The following LRP2 variants were observed in gnomAD, a reference collection of about 807,000 sequenced individuals.
LRP2 encodes low-density lipoprotein receptor-related protein 2.
In LRP2, 172 loss-of-function variants were observed where a neutral mutation model predicts 531.0. The observed-to-expected ratio is 0.32, with a 90% CI of 0.29 to 0.37. The LOEUF is 0.37. Among genes scored for constraint, LRP2 ranks in the 10% least tolerant of loss-of-function variants. The probability of loss-of-function intolerance (pLI) is 1.00; values close to 1 mark genes in which losing one functional copy is unlikely to be tolerated. For synonymous variants in LRP2, 1,992 were observed against 2,027.6 expected (o/e 0.98, Z 0.47); for missense variants, 5,167 against 5,868.3 (o/e 0.88, Z 3.90).
chr2:169,297,589 A>G (rs1049819894), intron 4 of LRP2, among the ~76,000 whole-genome samples: 5 of 152,146 alleles, frequency 3.3e-5, no homozygotes, highest in African/African-American at 1.2e-4. Context: ...CTTTCTCCCA[A>G]TCCCAAATGA....
intron 9 of LRP2, among the ~76,000 whole-genome samples, chr2:169,283,300 A>T (rs1024838131): frequency 6.6e-6 from 1 of 152,256 alleles, no homozygotes. Flanking sequence ...GTCTACAAAT[A>T]TATAAATTTT....
At chr2:169,151,150 G>T in intron 67 of LRP2, 124 bp from the exon 68 acceptor site, 1 of 974,692 alleles carries the variant, frequency 1.0e-6, no homozygotes, top group Non-Finnish European at 1.6e-6. Flanking sequence ...CCTATCATCA[G>T]ACCATAGTCC....
intron 37 of LRP2, among the ~76,000 whole-genome samples, chr2:169,211,668 C>T (rs1358585486): frequency 6.6e-6 from 1 of 152,080 alleles, no homozygotes; most frequent in African/African-American, 2.4e-5. Context: ...ATCCATGGGC[C>T]AGCACCGTCA....
At chr2:169,327,953 C>T (rs1477003352) in intron 1 of LRP2, among the ~76,000 whole-genome samples, 65 of 100,046 alleles carry the variant, frequency 6.5e-4, no homozygotes, top group African/African-American at 2.0e-3. Context: ...GCCCCCCGCC[C>T]GGCCAGCCGC....
At chr2:169,185,316 ATAAT>A (rs1687596042) in intron 50 of LRP2, among the ~76,000 whole-genome samples, 183 bp downstream of exon 50, 1 of 152,366 alleles carries the variant, frequency 6.6e-6, no homozygotes, top group Non-Finnish European at 1.5e-5. Flanking sequence ...AATTTTTAAA[ATAAT>A]TAGATATTCT....
intron 9 of LRP2, among the ~76,000 whole-genome samples, chr2:169,286,948 G>T (rs1683875056): frequency 6.6e-6 from 1 of 152,200 alleles, no homozygotes; most frequent in South Asian, 2.1e-4. Context: ...TAAAAGGCTG[G>T]GAATGGGATT....
intron 28 of LRP2, 78 bp from the exon 29 acceptor site, chr2:169,236,146 C>T: frequency 9.7e-7 from 1 of 1,029,218 alleles, no homozygotes; most frequent in Non-Finnish European, 1.5e-6. Context: ...AATAATACAA[C>T]ATCCTGTTTA....
intron 26 of LRP2, 117 bp from the exon 27 acceptor site, chr2:169,238,419 T>G: frequency 1.3e-6 from 1 of 749,802 alleles, no homozygotes; most frequent in Non-Finnish European, 2.3e-6. Flanking sequence ...TTCCAAACTA[T>G]AGTAAGTTGG....
intron 76 of LRP2, among the ~76,000 whole-genome samples, chr2:169,134,297 C>A (rs936890372): frequency 5.9e-5 from 9 of 152,236 alleles, no homozygotes; most frequent in South Asian, 2.1e-4. Flanking sequence ...TTTCTTTCTC[C>A]CACCTGACGC....
chr2:169,304,464 A>G (rs892592356), intron 4 of LRP2, among the ~76,000 whole-genome samples: 1 of 152,228 alleles, frequency 6.6e-6, no homozygotes, highest in African/African-American at 2.4e-5. Context: ...TAACAACTAG[A>G]ATTTATATAA....
At chr2:169,174,210 T>A (rs1687104947) in intron 55 of LRP2, 46 bp from the exon 56 acceptor site, 2 of 1,613,172 alleles carry the variant, frequency 1.2e-6, no homozygotes, top group East Asian at 4.5e-5. Flanking sequence ...GCATCAAGAA[T>A]GAAAGCTCCT....
intron 74 of LRP2, among the ~76,000 whole-genome samples, chr2:169,138,943 A>C (rs1685619612): frequency 6.6e-6 from 1 of 152,198 alleles, no homozygotes; most frequent in African/African-American, 2.4e-5. Context: ...AGAGTCCAGC[A>C]CATAGAAGGA....
intron 3 of LRP2, among the ~76,000 whole-genome samples, chr2:169,316,041 G>T (rs552454764): frequency 2.6e-5 from 4 of 151,274 alleles, no homozygotes; most frequent in Non-Finnish European, 5.9e-5. Flanking sequence ...TCTGGAGGCT[G>T]AGAAGTGGGA....
At chr2:169,198,729 T>C in intron 45 of LRP2, 57 bp downstream of exon 45, 1 of 1,599,206 alleles carries the variant, frequency 6.3e-7, no homozygotes, top group Non-Finnish European at 8.5e-7. Flanking sequence ...ATCTTTGTAT[T>C]AGCTCACAAC....
At chr2:169,256,016 G>T in intron 19 of LRP2, 90 bp downstream of exon 19, 1 of 1,396,712 alleles carries the variant, frequency 7.2e-7, no homozygotes, top group Non-Finnish European at 1.0e-6. Flanking sequence ...AGCTTTTCTG[G>T]GATTGTGAAA....
intron 17 of LRP2, among the ~76,000 whole-genome samples, chr2:169,258,635 A>G (rs56132748): frequency 0.039 from 5,890 of 152,226 alleles, 120 homozygotes; most frequent in Non-Finnish European, 0.053. Flanking sequence ...CTACTGAATG[A>G]TTAAGCAAGT....
At chr2:169,319,481 T>C (rs1684855093) in intron 2 of LRP2, among the ~76,000 whole-genome samples, 1 of 152,224 alleles carries the variant, frequency 6.6e-6, no homozygotes, top group African/African-American at 2.4e-5. Context: ...TCATTGATAT[T>C]GTTGTTATTG....
chr2:169,182,266 TTGAGGTCAGA>T lies in LRP2; in HGVS notation c.9889_9898del (p.Ser3297MetfsTer50). Reference sequence around the variant, plus strand: ...GGCCAGCATGCGGCGGTGTCCACCATTGAGGTCAGAGACAAAGAGGCCATCCAGGCGGGCA... The same window carrying T: ...GGCCAGCATGCGGCGGTGTCCACCATGACAAAGAGGCCATCCAGGCGGGCA... On this transcript the variant is annotated frameshift_variant, in exon 51 of 79. Transcript: ENST00000649046. LOFTEE classifies it high-confidence loss of function. 1 of 1,614,094 alleles carries T rather than the reference TTGAGGTCAGA, an allele frequency of 6.2e-7. No individual in the cohort carries two copies. The highest frequency in any genetic ancestry group is 8.5e-7 in the Non-Finnish European group (1 of 1,179,970).
At position 169,173,958 on chromosome 2, in the gene LRP2, C is replaced by T; in HGVS notation, c.10975G>A (p.Asp3659Asn). The T allele has an allele frequency of 6.2e-7, 1 of 1,614,226 alleles. No homozygotes were observed. Among genetic ancestry groups the T allele is most frequent in the Non-Finnish European group, 8.5e-7 (1 of 1,180,042 alleles). ...GGCTCATCCGAGTGGTCTCCACAAT[C>T]ATTATCCACATCACACTTCCAGGCC... ...PQAWKCDVDN[D>N]CGDHSDEPIE... Residue 3659 changes from aspartate (D) to asparagine (N), a missense_variant, in exon 56 of 79, where the codon GAT becomes AAT. Asp to Asn is a conservative substitution (Grantham distance 23). Transcript: ENST00000649046.
Sources: gnomAD v4.1 joint callset for allele counts (sites outside exome capture counted in the v4.1 genomes callset) on GRCh38, gnomAD v4.1.1 for gene constraint, MANE v1.5 for transcripts, NCBI Gene and HGNC (gene_info 2026-07-23, HGNC 2026-07-21) for gene names.